The following DYSF variants were observed in gnomAD, a reference collection of about 807,000 sequenced individuals.
DYSF encodes dystrophy-associated fer-1-like 1.
DYSF carries 212 observed loss-of-function variants against 274.9 expected under a neutral mutation model. That is an observed-to-expected ratio of 0.77 (90% CI 0.69 to 0.86). DYSF has a LOEUF of 0.86. DYSF is among the 40% of genes least tolerant of loss of function. The pLI is 0.00. For missense variants in DYSF, 2,666 were observed against 2,783.2 expected, an observed-to-expected ratio of 0.96 and a Z score of 0.95; for synonymous variants, 1,091 against 1,078.7, an observed-to-expected ratio of 1.01 and a Z score of -0.22.
rs111335204 is a variant in DYSF at position 71,511,295 on chromosome 2, C to T, written c.346-512C>T. Among the ~76,000 whole-genome samples, 756 of 152,334 alleles carry T rather than the reference C, an allele frequency of 5.0e-3. 4 individuals are homozygous for T. The highest frequency in any genetic ancestry group is 0.017 in the African/African-American group (725 of 41,572). ...AGACCCTCTCAGTGCTAGCTGCAGCCTGAGCAAAGCAGAGCAAAGCTGAGT... is the reference window on the plus strand; with the variant it reads ...AGACCCTCTCAGTGCTAGCTGCAGCTTGAGCAAAGCAGAGCAAAGCTGAGT... On this transcript the variant is annotated intron_variant, in intron 4 of 55. Coordinates refer to ENST00000410020, the MANE Select transcript of DYSF (RefSeq NM_001130987.2).
At chr2:71,635,081 C>T (rs553105981) in intron 41 of DYSF, among the ~76,000 whole-genome samples, 15 of 152,276 alleles carry the variant, frequency 9.9e-5, no homozygotes, top group African/African-American at 3.1e-4. Flanking sequence ...TGGCAACTTC[C>T]GGGTGGCTGC....
In DYSF at chr2:71,570,942, ATACC is replaced by A. The variant is rs1301485759; in HGVS notation, c.3228+202_3228+205del. On this transcript the variant is annotated intron_variant, in intron 29 of 55. Transcript: ENST00000410020. ...AGCATACACACAGATCACACCCAGC[ATACC>A]CAAAGATCACACCCAGCATACACAC... The A allele has an allele frequency of 6.2e-3, 4,168 of 677,110 alleles. 52 individuals are homozygous for A. The highest frequency in any genetic ancestry group is 0.014 in the Middle Eastern group (32 of 2,278). The allele number at this position is 677,110 out of a possible 1,614,324, so 41.9% of individuals were successfully genotyped here.
At chr2:71,567,898 G>C (rs1574040895) in intron 24 of DYSF, 53 bp from the exon 25 acceptor site, 1 of 1,605,094 alleles carries the variant, frequency 6.2e-7, no homozygotes, top group East Asian at 2.2e-5. Context: ...CTCTCACTGG[G>C]ACATCCGGAT....
intron 1 of DYSF, among the ~76,000 whole-genome samples, chr2:71,476,882 A>C (rs2082436795): frequency 6.7e-6 from 1 of 149,298 alleles, no homozygotes; most frequent in Admixed American, 6.7e-5. Flanking sequence ...TGACAAAACT[A>C]TAGTTATTTG....
At chr2:71,509,814 G>A (rs2085890177) in intron 4 of DYSF, among the ~76,000 whole-genome samples, 1 of 152,036 alleles carries the variant, frequency 6.6e-6, no homozygotes, top group Non-Finnish European at 1.5e-5. Context: ...GTCTTGCTCT[G>A]TAACCCAGGC....
At chr2:71,593,522 CTA>C (rs1558564672) in intron 32 of DYSF, among the ~76,000 whole-genome samples, 1 of 152,154 alleles carries the variant, frequency 6.6e-6, no homozygotes, top group African/African-American at 2.4e-5. Context: ...AAATGAAAGG[CTA>C]TGACTTGAGA....
At chr2:71,645,117 A>G (rs1221946165) in intron 42 of DYSF, among the ~76,000 whole-genome samples, 1 of 152,198 alleles carries the variant, frequency 6.6e-6, no homozygotes, top group Non-Finnish European at 1.5e-5. Context: ...CAGCTTAGCC[A>G]TCTGTAGGCG....
chr2:71,573,801 T>C lies in DYSF; in HGVS notation c.3229-397T>C, dbSNP rs528777467. The stretch of plus-strand genomic sequence containing the variant: ...GCCCATGGAGCCTCCTCTCCCCTCC[T>C]GATTTTTCTTTTTCTTTTTTCTTTT... On this transcript the variant is annotated intron_variant, in intron 29 of 55. Transcript: ENST00000410020. Among the ~76,000 whole-genome samples the C allele has an allele frequency of 2.6e-4, 39 of 152,232 alleles. No individual in the cohort carries two copies. The South Asian group carries it at 7.9e-3, about 31-fold the overall frequency.
At chr2:71,676,590 T>C (rs186298290) in intron 52 of DYSF, among the ~76,000 whole-genome samples, 1 of 152,074 alleles carries the variant, frequency 6.6e-6, no homozygotes, top group Non-Finnish European at 1.5e-5. Context: ...AATCTTTCCT[T>C]TATGAAGTGA....
chr2:71,569,350 G>A (rs920096249), intron 26 of DYSF, among the ~76,000 whole-genome samples: 1 of 152,066 alleles, frequency 6.6e-6, no homozygotes, highest in African/African-American at 2.4e-5. Flanking sequence ...GATCCACGTG[G>A]TCCTTCTCCA....
chr2:71,509,751 G>A (rs2085884753), intron 4 of DYSF, among the ~76,000 whole-genome samples: 1 of 152,008 alleles, frequency 6.6e-6, no homozygotes, highest in South Asian at 2.1e-4. Context: ...CTTTTGACAT[G>A]TTTTTACTTT....
chr2:71,645,303 G>A (rs2094549629), intron 42 of DYSF, among the ~76,000 whole-genome samples: 1 of 152,142 alleles, frequency 6.6e-6, no homozygotes, highest in South Asian at 2.1e-4. Flanking sequence ...CCAGAAGGGA[G>A]ATGGAATGGG....
intron 30 of DYSF, 25 bp from the exon 31 acceptor site, chr2:71,589,568 G>A (rs780357553): frequency 6.2e-7 from 1 of 1,608,450 alleles, no homozygotes; most frequent in Non-Finnish European, 8.5e-7. Flanking sequence ...GGCAGAATCT[G>A]CCATAACCAG....
At chr2:71,625,138 T>A (rs773819239) in intron 41 of DYSF, among the ~76,000 whole-genome samples, 10 of 152,164 alleles carry the variant, frequency 6.6e-5, no homozygotes, top group African/African-American at 9.7e-5. Context: ...TAGATTAGTT[T>A]CTTTAATTTC....
chr2:71,616,251 C>T lies in DYSF; in HGVS notation c.4464+2841C>T, dbSNP rs13416470. Among the ~76,000 whole-genome samples, 1,106 of 152,280 alleles carry T rather than the reference C, an allele frequency of 7.3e-3. 19 individuals carry two copies. The highest frequency in any genetic ancestry group is 0.025 in the African/African-American group (1,054 of 41,540). ...GTGTATAAGGCAGGTCTGTGCTCAG[C>T]ATCCCAGGGCTCGTAGATCAGTGTC... On this transcript the variant is annotated intron_variant, in intron 40 of 55. Coordinates refer to ENST00000410020, the MANE Select transcript of DYSF (RefSeq NM_001130987.2).
chr2:71,579,482 C>T (rs1041345043), intron 30 of DYSF, among the ~76,000 whole-genome samples: 5 of 152,186 alleles, frequency 3.3e-5, no homozygotes, highest in Admixed American at 1.3e-4. Context: ...CATGTGTACG[C>T]ACGCATGTAT....
Position 71,569,928 on chromosome 2 carries a change from C to T in DYSF, c.2973C>T (p.Thr991=), listed in dbSNP as rs373937234. The T allele has an allele frequency of 1.9e-5, 31 of 1,613,722 alleles. No homozygotes were observed. Among genetic ancestry groups the T allele is most frequent in the Middle Eastern group, 1.6e-4 (1 of 6,084 alleles). Residue 991 remains threonine (T), a synonymous_variant, in exon 27 of 56, where the codon ACC becomes ACT. Coordinates refer to ENST00000410020, the MANE Select transcript of DYSF (RefSeq NM_001130987.2). ...GGATCTACATGAGTGACAACTACACCGATGTGGTAAAGCAGGCACTCAGGG... is the reference window on the plus strand; with the variant it reads ...GGATCTACATGAGTGACAACTACACTGATGTGGTAAAGCAGGCACTCAGGG... ...GQWIYMSDNY[T]DVNGEKVLPK... is the part of the protein sequence containing the mutation.
Position 71,513,795 on chromosome 2 carries a change from C to A in DYSF, c.633C>A (p.Gly211=). Residue 211 remains glycine (G), a synonymous_variant, in exon 7 of 56, where the codon GGC becomes GGA. Coordinates refer to ENST00000410020, the MANE Select transcript of DYSF (RefSeq NM_001130987.2). Reference sequence around the variant, plus strand: ...AGCCATTCCTGGATCAAAGCGGAGGCCCGGGGGCTCCCACCACCCCAAGGA... The same window carrying A: ...AGCCATTCCTGGATCAAAGCGGAGGACCGGGGGCTCCCACCACCCCAAGGA... ...EAEPFLDQSG[G]PGAPTTPRKL... 6.2e-7 allele frequency: 1 copy of A among 1,614,160 alleles called. No individual in the cohort carries two copies. The highest frequency in any genetic ancestry group is 8.5e-7 in the Non-Finnish European group (1 of 1,179,992).
At chr2:71,651,338 G>A (rs770988085) in intron 42 of DYSF, among the ~76,000 whole-genome samples, 32 of 152,136 alleles carry the variant, frequency 2.1e-4, no homozygotes, top group African/African-American at 4.1e-4. Flanking sequence ...GCCAAAATCC[G>A]CAATGAAAAC....
Sources: gnomAD v4.1 joint callset for allele counts (sites outside exome capture counted in the v4.1 genomes callset) on GRCh38, gnomAD v4.1.1 for gene constraint, MANE v1.5 for transcripts, NCBI Gene and HGNC (gene_info 2026-07-23, HGNC 2026-07-21) for gene names.